Variants in CLEC4A observed in about 807,000 individuals in gnomAD.
CLEC4A encodes the protein C-type (calcium dependent, carbohydrate-recognition domain) lectin, superfamily member 6.
In CLEC4A, 27 loss-of-function variants were observed where a neutral mutation model predicts 32.7. That is an observed-to-expected ratio of 0.83 (90% CI 0.61 to 1.14). The LOEUF (loss-of-function observed/expected upper bound fraction) is 1.14, where lower values mean the gene tolerates loss of function less well. Ranked by LOEUF, CLEC4A falls within the 50% of genes most tolerant of loss-of-function variation. CLEC4A has a pLI of 0.00. For missense variants in CLEC4A, 253 were observed against 274.6 expected (o/e 0.92, Z 0.55); for synonymous variants, 89 against 93.7 (o/e 0.95, Z 0.29).
intron 1 of CLEC4A, 89 bp from the exon 2 acceptor site, chr12:8,125,472 C>G: frequency 1.3e-6 from 1 of 742,630 alleles, no homozygotes; most frequent in East Asian, 2.5e-5. Flanking sequence ...TGTGTGTCAT[C>G]CAAGAAAAGA....
At chr12:8,111,992 G>C in the CLEC4A span, among the ~76,000 whole-genome samples, 18 of 151,076 alleles carry the variant, frequency 1.2e-4, no homozygotes, top group Admixed American at 1.2e-3. Context: ...TTTTTAGACA[G>C]AGCTTTGCTC....
chr12:8,136,211 C>G (rs921554578), intron 4 of CLEC4A, among the ~76,000 whole-genome samples: 1 of 152,124 alleles, frequency 6.6e-6, no homozygotes, highest in Admixed American at 6.5e-5. Context: ...AATGTAATCC[C>G]TTAGTGAAGA....
chr12:8,133,034 C>T (rs1244067940), intron 3 of CLEC4A, among the ~76,000 whole-genome samples: 1 of 152,180 alleles, frequency 6.6e-6, no homozygotes, highest in Non-Finnish European at 1.5e-5. Context: ...CTTGCCTCAG[C>T]CTCCTGAGTA....
upstream of CLEC4A, chr12:8,123,509 CTGG>C (rs774115558): frequency 5.8e-4 from 99 of 171,344 alleles, no homozygotes; most frequent in Admixed American, 1.2e-3. Flanking sequence ...GTATTTTTTA[CTGG>C]TGAAAAACGC....
the CLEC4A span, among the ~76,000 whole-genome samples, chr12:8,107,410 T>A: frequency 0.013 from 1,988 of 152,232 alleles, 52 homozygotes; most frequent in African/African-American, 0.045. Context: ...GATGAGTCCT[T>A]CCTCCTCAAA....
At position 8,134,993 on chromosome 12, in the gene CLEC4A, TTTA is replaced by T. The variant is rs1388531007; in HGVS notation, c.299-591_299-589del. 5.3e-4 allele frequency: 127 copies of T among 241,696 alleles called. 1 individual carries two copies. The highest frequency in any genetic ancestry group is 6.9e-4 in the Non-Finnish European group (101 of 146,810). The allele number at this position is 241,696 out of a possible 1,614,324, so 15.0% of individuals were successfully genotyped here. ...GAAGCGTTTTTGTTTTTTGTTTTTT[TTTA>T]ATCATGGCTGCTTTTAAATCTTTGT... is the stretch of plus-strand genomic sequence containing the variant. On this transcript the variant is annotated intron_variant, in intron 3 of 5. Coordinates refer to ENST00000229332, the MANE Select transcript of CLEC4A (RefSeq NM_016184.4).
chr12:8,124,396 G>A (rs1437484389), intron 1 of CLEC4A, among the ~76,000 whole-genome samples: 1 of 152,098 alleles, frequency 6.6e-6, no homozygotes, highest in East Asian at 1.9e-4. Flanking sequence ...GTGGACAGTG[G>A]TGAGGGTATA....
chr12:8,119,443 C>T (rs1008300244), upstream of CLEC4A, among the ~76,000 whole-genome samples: 5 of 152,160 alleles, frequency 3.3e-5, no homozygotes, highest in Admixed American at 6.5e-5. Flanking sequence ...AGGCTGGTCT[C>T]GATCCCCTGA....
the CLEC4A span, among the ~76,000 whole-genome samples, chr12:8,114,255 T>A: frequency 6.6e-6 from 1 of 152,174 alleles, no homozygotes; most frequent in African/African-American, 2.4e-5. Flanking sequence ...TATTTCTTTT[T>A]TTTTTCTGAG....
chr12:8,117,972 C>A, the CLEC4A span, among the ~76,000 whole-genome samples: 1 of 152,076 alleles, frequency 6.6e-6, no homozygotes, highest in Non-Finnish European at 1.5e-5. Flanking sequence ...AAACACAAAT[C>A]ACAGGAGCAT....
intron 2 of CLEC4A, among the ~76,000 whole-genome samples, chr12:8,128,275 G>T (rs1159186395): frequency 6.6e-6 from 1 of 152,122 alleles, no homozygotes; most frequent in Non-Finnish European, 1.5e-5. Context: ...CAAATAGGAA[G>T]AGGACTAAGT....
At chr12:8,135,797 C>T (rs1948106380) in intron 4 of CLEC4A, 61 bp downstream of exon 4, 2 of 1,551,860 alleles carry the variant, frequency 1.3e-6, no homozygotes, top group Admixed American at 1.9e-5. Flanking sequence ...TCTCTCTTGG[C>T]TAAGAAGGAG....
rs1045621349 is a variant in CLEC4A, at chr12:8,138,421, G to C, written c.*134G>C. The C allele has an allele frequency of 1.0e-5, 11 of 1,068,068 alleles. No homozygotes were observed. The highest frequency in any genetic ancestry group is 1.5e-5 in the Non-Finnish European group (11 of 732,116). 66.2% of individuals were successfully genotyped at this position (1,068,068 alleles called of 1,614,324 possible). Reference sequence around the variant, plus strand: ...TCTGTCAACTATTCTACTTATGAGAGAATTGGTCTGTACATTGACTGATTC... The same window carrying C: ...TCTGTCAACTATTCTACTTATGAGACAATTGGTCTGTACATTGACTGATTC... On this transcript the variant is annotated 3_prime_UTR_variant, in exon 6 of 6. Coordinates refer to ENST00000229332, the MANE Select transcript of CLEC4A (RefSeq NM_016184.4).
At chr12:8,107,500 C>T in the CLEC4A span, among the ~76,000 whole-genome samples, 1 of 152,086 alleles carries the variant, frequency 6.6e-6, no homozygotes, top group Non-Finnish European at 1.5e-5. Flanking sequence ...TGTGAATCCA[C>T]CTGGTCCTGG....
upstream of CLEC4A, among the ~76,000 whole-genome samples, chr12:8,123,258 G>A (rs897945108): frequency 6.6e-6 from 1 of 152,192 alleles, no homozygotes; most frequent in African/African-American, 2.4e-5. Context: ...AACACAGAGA[G>A]CATGGAGGAA....
At chr12:8,131,995 C>G (rs1310230523) in intron 3 of CLEC4A, among the ~76,000 whole-genome samples, 1 of 152,120 alleles carries the variant, frequency 6.6e-6, no homozygotes, top group Non-Finnish European at 1.5e-5. Flanking sequence ...TCTCCCTCCC[C>G]GGCTTGCTCC....
At chr12:8,126,971 A>AT (rs1295333870) in intron 2 of CLEC4A, among the ~76,000 whole-genome samples, 2 of 152,142 alleles carry the variant, frequency 1.3e-5, no homozygotes, top group African/African-American at 2.4e-5. Context: ...AAGAGTTTGG[A>AT]TTTTTTCCCT....
the CLEC4A span, among the ~76,000 whole-genome samples, chr12:8,108,775 A>G: frequency 6.6e-6 from 1 of 152,234 alleles, no homozygotes; most frequent in Non-Finnish European, 1.5e-5. Flanking sequence ...ATAATTGTCC[A>G]TTGTGACTTC....
At chr12:8,103,371 CTGTTG>C in the CLEC4A span, among the ~76,000 whole-genome samples, 2 of 49,024 alleles carry the variant, frequency 4.1e-5, 1 homozygote, top group African/African-American at 1.4e-4. Flanking sequence ...TTGTTTCTTT[CTGTTG>C]TTTTTTTTTT....
Sources: gnomAD v4.1 joint callset for allele counts (sites outside exome capture counted in the v4.1 genomes callset) on GRCh38, gnomAD v4.1.1 for gene constraint, MANE v1.5 for transcripts, NCBI Gene and HGNC (gene_info 2026-07-23, HGNC 2026-07-21) for gene names.